Variants in ARHGAP28 observed in about 807,000 individuals in gnomAD.
The protein encoded by ARHGAP28 is Rho GTPase activating protein 28, also known as rho GTPase-activating protein 28.
A neutral mutation model predicts 90.7 loss-of-function variants in ARHGAP28; 56 were observed. That is an observed-to-expected ratio of 0.62 (90% CI 0.50 to 0.77). ARHGAP28 has a LOEUF of 0.77. Among genes scored for constraint, ARHGAP28 ranks in the 30% least tolerant of loss-of-function variants. The pLI is 0.00. For missense variants in ARHGAP28, 869 were observed against 900.9 expected (o/e 0.96, Z 0.45); for synonymous variants, 308 against 323.3 (o/e 0.95, Z 0.51).
In ARHGAP28 at chr18:6,841,167, C is replaced by CCTCTCTCTCTCTCCTCTCT. The variant is rs1264103419; in HGVS notation, c.543+3767_543+3785dup. On this transcript the variant is annotated intron_variant, in intron 3 of 17. Coordinates refer to ENST00000383472, the MANE Select transcript of ARHGAP28 (RefSeq NM_001366230.1). ...CTGTCTCTCTCCTCTTTCTCTCTCT[C>CCTCTCTCTCTCTCCTCTCT]CTCTCTCTCTCTCCTCTCTCTCTCT... Among the ~76,000 whole-genome samples the CCTCTCTCTCTCTCCTCTCT allele has an allele frequency of 3.8e-5, 3 of 79,938 alleles. 1 individual carries two copies. The highest frequency in any genetic ancestry group is 1.3e-4 in the Admixed American group (1 of 7,660). The allele number at this position is 79,938 out of a possible 152,430, so 52.4% of individuals were successfully genotyped here.
intron 1 of ARHGAP28, among the ~76,000 whole-genome samples, chr18:6,777,814 C>G (rs1244402029): frequency 2.6e-5 from 4 of 152,060 alleles, no homozygotes; most frequent in Non-Finnish European, 4.4e-5. Flanking sequence ...GAAGAATGGA[C>G]AAGGTTGTGG....
In ARHGAP28 at chr18:6,912,105, G is replaced by A. The variant is rs374272304; in HGVS notation, c.2141G>A (p.Arg714His). The change falls in exon 18 of 18, where the codon CGT becomes CAT. Residue 714 changes from arginine (R) to histidine (H), a missense_variant. Physicochemically the swap from Arg to His is conservative, Grantham distance 29 (BLOSUM62 0). Coordinates refer to ENST00000383472, the MANE Select transcript of ARHGAP28 (RefSeq NM_001366230.1). ...DPDAYILDVY[R>H]INPQAEWVIK... ...GATGCTTATATATTGGATGTATATCGTATAAATCCTCAAGCAGAATGGGTG... is the reference window on the plus strand; with the variant it reads ...GATGCTTATATATTGGATGTATATCATATAAATCCTCAAGCAGAATGGGTG... 2.5e-5 allele frequency: 41 copies of A among 1,608,460 alleles called. No homozygotes were observed. Among genetic ancestry groups the A allele is most frequent in the Admixed American group, 1.3e-4 (8 of 59,714 alleles).
intron 6 of ARHGAP28, 54 bp from the exon 7 acceptor site, chr18:6,870,536 A>C: frequency 6.7e-7 from 1 of 1,482,778 alleles, no homozygotes; most frequent in East Asian, 2.3e-5. Context: ...AGCAAATAGT[A>C]TTGATTGATT....
At position 6,906,838 on chromosome 18, in the gene ARHGAP28, C is replaced by T. The variant is rs138520725; in HGVS notation, c.2031-2122C>T. Among the ~76,000 whole-genome samples the T allele has an allele frequency of 2.1e-3, 322 of 152,116 alleles. 1 individual carries two copies. The highest frequency in any genetic ancestry group is 3.6e-3 in the Non-Finnish European group (245 of 67,978). On this transcript the variant is annotated intron_variant, in intron 16 of 17. Coordinates refer to ENST00000383472, the MANE Select transcript of ARHGAP28 (RefSeq NM_001366230.1). ...AGACCATGTGAATAGGATGAAAAGA[C>T]AAACTAAGGACTGGGATGAAATATT...
Position 6,875,354 on chromosome 18 carries a change from C to T in ARHGAP28, c.1213-777C>T, listed in dbSNP as rs571602346. Among the ~76,000 whole-genome samples the T allele has an allele frequency of 1.3e-3, 199 of 152,172 alleles. 4 individuals carry two copies. Among genetic ancestry groups the T allele is most frequent in the Non-Finnish European group, 1.5e-3 (103 of 68,034 alleles). On this transcript the variant is annotated intron_variant, in intron 9 of 17. Transcript: ENST00000383472. ...TCCTAAATGTCTGTTTGCCTCCATA[C>T]CTAGAAGAATTACCTTAGTTCCAGG...
At chr18:6,759,590 T>A (rs1319955724) in intron 1 of ARHGAP28, among the ~76,000 whole-genome samples, 1 of 152,208 alleles carries the variant, frequency 6.6e-6, no homozygotes, top group African/African-American at 2.4e-5. Flanking sequence ...GATATGCTTA[T>A]GGAACATCAG....
chr18:6,839,095 C>T (rs959927310), intron 3 of ARHGAP28, among the ~76,000 whole-genome samples: 5 of 152,058 alleles, frequency 3.3e-5, no homozygotes, highest in Admixed American at 2.0e-4. Context: ...GCAGCAGTAC[C>T]AAGGGATGAT....
chr18:6,738,305 A>C (rs1163722909), intron 1 of ARHGAP28, among the ~76,000 whole-genome samples: 2 of 151,942 alleles, frequency 1.3e-5, no homozygotes, highest in Admixed American at 6.6e-5. Flanking sequence ...TTATATATTT[A>C]CTTATATACA....
Position 6,782,486 on chromosome 18 carries a change from C to T in ARHGAP28, c.123-42276C>T, listed in dbSNP as rs969133244. Among the ~76,000 whole-genome samples the T allele has an allele frequency of 1.6e-4, 24 of 151,204 alleles. 1 individual carries two copies. The highest frequency in any genetic ancestry group is 8.8e-5 in the Non-Finnish European group (6 of 67,832). Reference sequence around the variant, plus strand: ...AGGCTGGAGTGCAGTGGCACGATCTCGGCTCACTGCAACCTCTGCCTCCTG... The same window carrying T: ...AGGCTGGAGTGCAGTGGCACGATCTTGGCTCACTGCAACCTCTGCCTCCTG... On this transcript the variant is annotated intron_variant, in intron 1 of 17. Coordinates refer to ENST00000383472, the MANE Select transcript of ARHGAP28 (RefSeq NM_001366230.1).
In ARHGAP28 at chr18:6,859,809, C is replaced by T; in HGVS notation, c.638C>T (p.Pro213Leu). ...TGGTACTTTTATTTCTCCATTTAGC[C>T]AGATGATGCTTCTCTCAACAGTACT... ...PRVIKTSGSM[P>L]DDASLNSTTL... The change falls in exon 5 of 18, where the codon CCA becomes CTA. Residue 213 changes from proline to leucine, a missense_variant and splice_region_variant. Pro to Leu is a moderately conservative substitution (Grantham distance 98). Transcript: ENST00000383472. 6.2e-7 allele frequency: 1 copy of T among 1,612,848 alleles called. No individual in the cohort carries two copies. The highest frequency in any genetic ancestry group is 8.5e-7 in the Non-Finnish European group (1 of 1,179,576).
chr18:6,811,581 C>G (rs1315825114), intron 1 of ARHGAP28, among the ~76,000 whole-genome samples: 1 of 152,124 alleles, frequency 6.6e-6, no homozygotes, highest in Non-Finnish European at 1.5e-5. Flanking sequence ...TCACTGTGTT[C>G]AGAAGTGCAG....
chr18:6,860,223 G>T (rs1289105533), intron 5 of ARHGAP28, among the ~76,000 whole-genome samples: 2 of 152,132 alleles, frequency 1.3e-5, no homozygotes, highest in Non-Finnish European at 2.9e-5. Context: ...GTTTGATGAC[G>T]TGGCTTAACT....
intron 12 of ARHGAP28, among the ~76,000 whole-genome samples, chr18:6,889,176 G>A (rs1170232089): frequency 6.6e-6 from 1 of 152,036 alleles, no homozygotes. Flanking sequence ...AAACCAAAGA[G>A]CACTTCTTTT....
chr18:6,841,619 G>A (rs2056828860), intron 3 of ARHGAP28, among the ~76,000 whole-genome samples: 1 of 151,754 alleles, frequency 6.6e-6, no homozygotes, highest in African/African-American at 2.4e-5. Flanking sequence ...AGAATCCCAT[G>A]CTCAAAATCA....
At chr18:6,760,501 A>G (rs2056150582) in intron 1 of ARHGAP28, among the ~76,000 whole-genome samples, 1 of 152,198 alleles carries the variant, frequency 6.6e-6, no homozygotes, top group Non-Finnish European at 1.5e-5. Context: ...AAATTATTTT[A>G]AAAGAATTTT....
intron 1 of ARHGAP28, among the ~76,000 whole-genome samples, chr18:6,773,234 A>G (rs1253419398): frequency 1.3e-5 from 2 of 152,186 alleles, no homozygotes; most frequent in Non-Finnish European, 2.9e-5. Flanking sequence ...CAGCATAGCA[A>G]ATGAAGTTTC....
At chr18:6,827,944 G>A (rs1222267859) in intron 2 of ARHGAP28, among the ~76,000 whole-genome samples, 3 of 151,966 alleles carry the variant, frequency 2.0e-5, no homozygotes, top group South Asian at 2.1e-4. Flanking sequence ...CTTCCCAGAC[G>A]GGGTGGCGGC....
intron 1 of ARHGAP28, among the ~76,000 whole-genome samples, chr18:6,757,054 C>T (rs2056116666): frequency 6.6e-6 from 1 of 152,140 alleles, no homozygotes; most frequent in Admixed American, 6.6e-5. Context: ...TCCTTCAATC[C>T]TATCAAGTTG....
chr18:6,790,128 CG>C (rs2056396751), intron 1 of ARHGAP28: 1 of 152,150 alleles, frequency 6.6e-6, no homozygotes, highest in South Asian at 2.1e-4. Context: ...CGTGGGCCAC[CG>C]TGCCCTGCCT....
Sources: allele counts gnomAD v4.1 joint callset (sites outside exome capture counted in the v4.1 genomes callset), GRCh38; gene constraint gnomAD v4.1.1; transcripts MANE v1.5; gene names NCBI Gene and HGNC (gene_info 2026-07-23, HGNC 2026-07-21).